The following KIFAP3 variants were observed in gnomAD, a reference collection of about 807,000 sequenced individuals.
The protein encoded by KIFAP3 is kinesin associated protein 3, also known as kinesin-associated protein 3.
KIFAP3 carries 68 observed loss-of-function variants against 106.5 expected under a neutral mutation model. The observed-to-expected ratio is 0.64, with a 90% CI of 0.53 to 0.78. KIFAP3 has a LOEUF of 0.78. Ranked by LOEUF, KIFAP3 falls within the 30% of genes least tolerant of loss-of-function variation. The probability of loss-of-function intolerance (pLI) is 0.00; values close to 1 mark genes in which losing one functional copy is unlikely to be tolerated. For synonymous variants in KIFAP3, 320 were observed against 311.5 expected (o/e 1.03, Z -0.29); for missense variants, 780 against 941.8 (o/e 0.83, Z 2.25).
intron 10 of KIFAP3, among the ~76,000 whole-genome samples, chr1:170,009,351 A>G (rs1345036420): frequency 6.6e-6 from 1 of 152,076 alleles, no homozygotes; most frequent in East Asian, 1.9e-4. Flanking sequence ...CAGAAAAAAA[A>G]GTGTGAATAA....
intron 2 of KIFAP3, among the ~76,000 whole-genome samples, chr1:170,047,867 T>C (rs1464130230): frequency 6.6e-6 from 1 of 152,044 alleles, no homozygotes; most frequent in South Asian, 2.1e-4. Context: ...TATAAAGACA[T>C]AAAATTAGGT....
At chr1:169,991,796 GAAT>G (rs757802241) in intron 11 of KIFAP3, among the ~76,000 whole-genome samples, 21 of 152,070 alleles carry the variant, frequency 1.4e-4, no homozygotes, top group African/African-American at 3.6e-4. Context: ...CCATGTAATA[GAAT>G]ATTATACAAT....
chr1:169,940,733 T>G (rs1664058907), intron 19 of KIFAP3, among the ~76,000 whole-genome samples: 1 of 151,982 alleles, frequency 6.6e-6, no homozygotes, highest in South Asian at 2.1e-4. Context: ...GGCCTGGGAG[T>G]TGGGGACCCC....
Position 169,994,592 on chromosome 1 carries a change from G to T in KIFAP3, c.1184-2337C>A, listed in dbSNP as rs541534225. ...AACAATATATGTTTTTCAGATGAATGGACACTAGTAAGCATTTTCACCTTA... is the reference window on the plus strand; with the variant it reads ...AACAATATATGTTTTTCAGATGAATTGACACTAGTAAGCATTTTCACCTTA... On this transcript the variant is annotated intron_variant, in intron 10 of 19. Coordinates refer to ENST00000361580, the MANE Select transcript of KIFAP3 (RefSeq NM_014970.4). Among the ~76,000 whole-genome samples the T allele has an allele frequency of 6.6e-5, 10 of 151,952 alleles. No homozygotes were observed. In the East Asian group the frequency reaches 1.4e-3, roughly 21 times the overall value.
At chr1:169,993,981 T>C (rs1667248904) in intron 10 of KIFAP3, among the ~76,000 whole-genome samples, 1 of 152,230 alleles carries the variant, frequency 6.6e-6, no homozygotes, top group African/African-American at 2.4e-5. Flanking sequence ...ATAACCTCCA[T>C]GAAAGCAAGG....
chr1:170,062,160 A>C (rs1671196313), intron 1 of KIFAP3, among the ~76,000 whole-genome samples: 2 of 151,890 alleles, frequency 1.3e-5, no homozygotes, highest in African/African-American at 4.8e-5. Context: ...CTTAAAGTAT[A>C]ATTTAAAAAA....
rs369779396 is a variant in KIFAP3 at position 170,055,444 on chromosome 1, A to G, written c.33-8T>C. On this transcript the variant is annotated splice_polypyrimidine_tract_variant and splice_region_variant and intron_variant, in intron 1 of 19. Transcript: ENST00000361580. ...TTCCCTCCTTTAACTTTCCTATAAT[A>G]CAAAATTGAAATGATATAACCAGAT... The G allele has an allele frequency of 1.3e-6, 2 of 1,571,460 alleles. No homozygotes were observed. The highest frequency in any genetic ancestry group is 8.6e-7 in the Non-Finnish European group (1 of 1,161,074).
At chr1:169,934,905 A>G (rs1017691486) in intron 19 of KIFAP3, among the ~76,000 whole-genome samples, 4 of 152,134 alleles carry the variant, frequency 2.6e-5, no homozygotes, top group Non-Finnish European at 4.4e-5. Context: ...ATAAGGTAAC[A>G]TGCAACTGCA....
At chr1:170,057,598 T>C (rs1670916833) in intron 1 of KIFAP3, among the ~76,000 whole-genome samples, 1 of 151,752 alleles carries the variant, frequency 6.6e-6, no homozygotes, top group South Asian at 2.1e-4. Context: ...CTATAGTTTT[T>C]TTTTTTTAAC....
intron 1 of KIFAP3, among the ~76,000 whole-genome samples, chr1:170,062,164 TA>T (rs1000926048): frequency 2.6e-5 from 3 of 115,012 alleles, no homozygotes; most frequent in South Asian, 2.6e-4. Context: ...AAGTATAATT[TA>T]AAAAAAGAGT....
intron 1 of KIFAP3, among the ~76,000 whole-genome samples, chr1:170,071,633 T>C (rs962534481): frequency 2.0e-5 from 3 of 152,088 alleles, no homozygotes; most frequent in Non-Finnish European, 2.9e-5. Context: ...TAGAGGGAAC[T>C]AATCCATTCC....
At chr1:170,013,946 T>C (rs1213091265) in intron 10 of KIFAP3, among the ~76,000 whole-genome samples, 1 of 152,210 alleles carries the variant, frequency 6.6e-6, no homozygotes, top group Non-Finnish European at 1.5e-5. Context: ...GGTACTAGCA[T>C]TCTAATAGTC....
intron 3 of KIFAP3, among the ~76,000 whole-genome samples, chr1:170,043,923 T>TA: frequency 6.6e-6 from 1 of 152,262 alleles, no homozygotes; most frequent in African/African-American, 2.4e-5. Flanking sequence ...AGACATCTTT[T>TA]AAAAAATCAG....
At chr1:170,029,584 T>G (rs1025849617) in intron 8 of KIFAP3, among the ~76,000 whole-genome samples, 4 of 149,950 alleles carry the variant, frequency 2.7e-5, no homozygotes, top group African/African-American at 9.7e-5. Flanking sequence ...AGCTTCCACT[T>G]AAACAACAAC....
chr1:170,029,131 C>T (rs1308144331), intron 8 of KIFAP3, among the ~76,000 whole-genome samples: 1 of 151,926 alleles, frequency 6.6e-6, no homozygotes, highest in East Asian at 1.9e-4. Flanking sequence ...AAAATGTTAC[C>T]AGCCATGATG....
chr1:170,060,461 G>C (rs528381982), intron 1 of KIFAP3, among the ~76,000 whole-genome samples: 11 of 152,276 alleles, frequency 7.2e-5, no homozygotes, highest in Admixed American at 6.5e-4. Context: ...CAAGGGATGT[G>C]AAGGACCTCT....
At chr1:170,079,351 G>A (rs185583848), upstream of KIFAP3, among the ~76,000 whole-genome samples, 36 of 152,230 alleles carry the variant, frequency 2.4e-4, 1 homozygote, top group African/African-American at 5.8e-4. Context: ...TTCTTGTACA[G>A]CCTGAAGAAC....
At chr1:169,970,343 G>T (rs1665855706) in intron 17 of KIFAP3, among the ~76,000 whole-genome samples, 1 of 151,978 alleles carries the variant, frequency 6.6e-6, no homozygotes, top group African/African-American at 2.4e-5. Context: ...GGTATCCAGA[G>T]TACTGCCACC....
chr1:170,038,559 C>T (rs1669807965), intron 4 of KIFAP3, 128 bp from the exon 5 acceptor site: 1 of 928,824 alleles, frequency 1.1e-6, no homozygotes, highest in Non-Finnish European at 1.6e-6. Flanking sequence ...CTCATAGTAG[C>T]CATCTTTTTG....
Sources: gnomAD v4.1 joint callset for allele counts (sites outside exome capture counted in the v4.1 genomes callset) on GRCh38, gnomAD v4.1.1 for gene constraint, MANE v1.5 for transcripts, NCBI Gene and HGNC (gene_info 2026-07-23, HGNC 2026-07-21) for gene names.